CSNK1G1: variants seen among roughly 807,000 people sequenced by gnomAD.
The protein encoded by CSNK1G1 is casein kinase I isoform gamma-1.
A neutral mutation model predicts 59.6 loss-of-function variants in CSNK1G1; 22 were observed. That is an observed-to-expected ratio of 0.37 (90% CI 0.26 to 0.53). The LOEUF (loss-of-function observed/expected upper bound fraction) is 0.53. CSNK1G1 is among the 20% of genes least tolerant of loss of function. CSNK1G1 has a pLI of 0.89. For missense variants in CSNK1G1, 384 were observed against 519.5 expected (o/e 0.74, Z 2.54); for synonymous variants, 179 against 177.1 (o/e 1.01, Z -0.08).
Position 64,169,002 on chromosome 15 carries a change from G to A in CSNK1G1, c.*2929C>T, listed in dbSNP as rs1265243157. 6.6e-6 allele frequency: 1 copy of A among 152,562 alleles called. No individual in the cohort carries two copies. Among genetic ancestry groups the A allele is most frequent in the African/African-American group, 2.4e-5 (1 of 41,422 alleles). The allele number at this position is 152,562 out of a possible 1,614,324, so 9.5% of individuals were successfully genotyped here. ...TAAGAGATTTGTGAGGTTGGAAGGT[G>A]AGAACAGTGTCTTAGGAAGTACAGT... On this transcript the variant is annotated 3_prime_UTR_variant, in exon 12 of 12. Coordinates refer to ENST00000303052, the MANE Select transcript of CSNK1G1 (RefSeq NM_022048.5).
Position 64,204,572 on chromosome 15 carries a change from G to C in CSNK1G1, c.868C>G (p.Leu290Val). The change falls in exon 9 of 12, where the codon CTT (leucine) becomes GTT (valine). Residue 290 changes from leucine to valine, a missense_variant. Physicochemically the swap from Leu to Val is conservative, Grantham distance 32. Around this residue, in one of 3 missense-constraint regions of CSNK1G1, gnomAD observed 325 missense variants for 440.9 expected, o/e 0.74. Transcript: ENST00000303052. ...ENFPEEMATY[L>V]RYVRRLDFFE... ...AAGTCCAGTCGCCTGACATATCGAAGGTAGGTTGCCATCTCCTCTGTTAGG... is the reference window on the plus strand; with the variant it reads ...AAGTCCAGTCGCCTGACATATCGAACGTAGGTTGCCATCTCCTCTGTTAGG... 6.2e-7 allele frequency: 1 copy of C among 1,613,668 alleles called. No homozygotes were observed. Among genetic ancestry groups the C allele is most frequent in the South Asian group, 1.1e-5 (1 of 90,974 alleles).
At chr15:64,323,385 G>A (rs1405346324) in intron 1 of CSNK1G1, among the ~76,000 whole-genome samples, 1 of 148,604 alleles carries the variant, frequency 6.7e-6, no homozygotes, top group Non-Finnish European at 1.5e-5. Flanking sequence ...TTTTCTTTGA[G>A]ACAGAGTTTC....
At position 64,346,270 on chromosome 15, in the gene CSNK1G1, T is replaced by C. The variant is rs115204024; in HGVS notation, c.-225+9718A>G. 8.4e-3 allele frequency among the ~76,000 whole-genome samples: 1,261 copies of C among 150,464 alleles called. 19 individuals are homozygous for C. The highest frequency in any genetic ancestry group is 0.029 in the African/African-American group (1,184 of 41,128). On this transcript the variant is annotated intron_variant, in intron 1 of 11. Coordinates refer to ENST00000303052, the MANE Select transcript of CSNK1G1 (RefSeq NM_022048.5). The stretch of plus-strand genomic sequence containing the variant: ...TAAAAAAAAAACAATTGGTCACCCA[T>C]GTGCATGCATATACACATATTCCTT...
rs374224209 is a variant in CSNK1G1, at chr15:64,194,517, CTTTT to C, written c.1107+8561_1107+8564del. Among the ~76,000 whole-genome samples the C allele has an allele frequency of 1.9e-3, 244 of 128,298 alleles. 1 individual carries two copies. The highest frequency in any genetic ancestry group is 6.9e-3 in the African/African-American group (230 of 33,460). The allele number at this position is 128,298 out of a possible 152,430, so 84.2% of individuals were successfully genotyped here. On this transcript the variant is annotated intron_variant, in intron 10 of 11. Coordinates refer to ENST00000303052, the MANE Select transcript of CSNK1G1 (RefSeq NM_022048.5). The stretch of plus-strand genomic sequence containing the variant: ...TTTTTCTCTTCTTTTCTTTTCTTTT[CTTTT>C]TTTTTTTTTTTTTGAGACAGAGTTT...
rs1324631212 is a variant in CSNK1G1 at position 64,171,761 on chromosome 15, T to A, written c.*170A>T. 3.1e-6 allele frequency: 2 copies of A among 650,784 alleles called. No homozygotes were observed. Among genetic ancestry groups the A allele is most frequent in the Non-Finnish European group, 5.4e-6 (2 of 367,870 alleles). 40.3% of individuals were successfully genotyped at this position (650,784 alleles called of 1,614,324 possible). ...CAGGCGGAGATGGCCAATGACCCACTAGGCCCTGGCTGCCCGCACTGGCCC... is the reference window on the plus strand; with the variant it reads ...CAGGCGGAGATGGCCAATGACCCACAAGGCCCTGGCTGCCCGCACTGGCCC... On this transcript the variant is annotated 3_prime_UTR_variant, in exon 12 of 12. Coordinates refer to ENST00000303052, the MANE Select transcript of CSNK1G1 (RefSeq NM_022048.5). The surrounding 1 kb of genome is among the most constrained non-coding windows in gnomAD (Gnocchi z 4.8).
chr15:64,209,652 T>C (rs1362047468), intron 6 of CSNK1G1, among the ~76,000 whole-genome samples: 4 of 151,898 alleles, frequency 2.6e-5, no homozygotes, highest in East Asian at 1.9e-4. Context: ...ATATTCATAA[T>C]TGAAAAAAAA....
intron 4 of CSNK1G1, among the ~76,000 whole-genome samples, chr15:64,220,944 G>A (rs904283067): frequency 4.6e-5 from 7 of 152,204 alleles, no homozygotes; most frequent in Non-Finnish European, 5.9e-5. Context: ...ACATCTTGAC[G>A]ATGTAAAGTA....
chr15:64,241,601 A>G (rs12594998), intron 4 of CSNK1G1, among the ~76,000 whole-genome samples: 34,239 of 152,136 alleles, frequency 0.23, 5,688 homozygotes, highest in East Asian at 0.8. Context: ...GGTATAACAA[A>G]TATCTTTTCT....
At chr15:64,311,044 A>C (rs1052823919) in intron 1 of CSNK1G1, among the ~76,000 whole-genome samples, 1 of 150,750 alleles carries the variant, frequency 6.6e-6, no homozygotes, top group Non-Finnish European at 1.5e-5. Flanking sequence ...ATATATACAT[A>C]TGCATTTTAT....
chr15:64,236,450 C>T (rs2082618207), intron 4 of CSNK1G1, among the ~76,000 whole-genome samples: 1 of 152,030 alleles, frequency 6.6e-6, no homozygotes, highest in African/African-American at 2.4e-5. Flanking sequence ...CAACAAAACC[C>T]ACCGCAAATA....
chr15:64,289,044 G>T (rs1235616006), intron 2 of CSNK1G1, among the ~76,000 whole-genome samples: 1 of 151,904 alleles, frequency 6.6e-6, no homozygotes, highest in Non-Finnish European at 1.5e-5. Flanking sequence ...CCGTGGTGGT[G>T]CACGCCTGTA....
intron 1 of CSNK1G1, among the ~76,000 whole-genome samples, chr15:64,302,496 G>GA (rs898222286): frequency 7.1e-4 from 107 of 149,912 alleles, no homozygotes; most frequent in Non-Finnish European, 4.9e-4. Context: ...TTCTGTAAAG[G>GA]AAAAAAAAAT....
At position 64,188,588 on chromosome 15, in the gene CSNK1G1, C is replaced by A; in HGVS notation, c.1108-8134G>T. 3 of 865,134 alleles carry A rather than the reference C, an allele frequency of 3.5e-6. No homozygotes were observed. The highest frequency in any genetic ancestry group is 5.3e-6 in the Non-Finnish European group (3 of 563,740). 53.6% of individuals were successfully genotyped at this position (865,134 alleles called of 1,614,324 possible). A position where few individuals can be genotyped will look rare whatever the true frequency, so the allele number is the denominator to read the frequency against. ...TACATTCGTGTCCCTGTAGGTTTTT[C>A]TTTCGGTTTTGGATTTTAAACTAAC... On this transcript the variant is annotated intron_variant, in intron 10 of 11. Coordinates refer to ENST00000303052, the MANE Select transcript of CSNK1G1 (RefSeq NM_022048.5). This position sits in a 1 kb window ranked among gnomAD's most constrained non-coding sequence, Gnocchi z 4.2.
intron 2 of CSNK1G1, among the ~76,000 whole-genome samples, chr15:64,299,055 T>C (rs891743212): frequency 2.6e-5 from 4 of 151,564 alleles, no homozygotes; most frequent in Non-Finnish European, 5.9e-5. Context: ...GAAAAAGAAG[T>C]AGCAGAGGTA....
chr15:64,338,107 G>A (rs1020776861), intron 1 of CSNK1G1, among the ~76,000 whole-genome samples: 2 of 152,096 alleles, frequency 1.3e-5, no homozygotes, highest in African/African-American at 4.8e-5. Context: ...GATTCTTTTA[G>A]ATATATGCCT....
At chr15:64,281,724 C>A (rs1480943750) in intron 2 of CSNK1G1, among the ~76,000 whole-genome samples, 3 of 151,456 alleles carry the variant, frequency 2.0e-5, no homozygotes, top group Non-Finnish European at 2.9e-5. Flanking sequence ...CCTGTAATCT[C>A]TGCTACTCAG....
chr15:64,331,732 G>A (rs1897120935), intron 1 of CSNK1G1, among the ~76,000 whole-genome samples: 1 of 144,224 alleles, frequency 6.9e-6, no homozygotes, highest in African/African-American at 2.6e-5. Context: ...CCATCAGAGT[G>A]AACAGGCAAC....
At chr15:64,299,585 C>T (rs1227039381) in intron 2 of CSNK1G1, among the ~76,000 whole-genome samples, 1 of 150,354 alleles carries the variant, frequency 6.7e-6, no homozygotes, top group Non-Finnish European at 1.5e-5. Flanking sequence ...GAGTAAGACT[C>T]CATCTCAAAA....
chr15:64,197,778 C>T (rs1289748277), intron 10 of CSNK1G1, among the ~76,000 whole-genome samples: 1 of 152,134 alleles, frequency 6.6e-6, no homozygotes, highest in Non-Finnish European at 1.5e-5. Flanking sequence ...TCTTTAGTCC[C>T]TATTCCTACT....
Sources: allele counts gnomAD v4.1 joint callset (sites outside exome capture counted in the v4.1 genomes callset), GRCh38; gene constraint gnomAD v4.1.1; regional missense constraint gnomAD v4.1.1; non-coding constraint Gnocchi (gnomAD v3.1); transcripts MANE v1.5; gene names NCBI Gene and HGNC (gene_info 2026-07-23, HGNC 2026-07-21).